PINX1: variants seen among roughly 807,000 people sequenced by gnomAD.
The protein encoded by PINX1 is PIN2/TERF1-interacting telomerase inhibitor 1.
A neutral mutation model predicts 25.4 loss-of-function variants in PINX1; 34 were observed. The ratio of observed to expected loss-of-function variants is 1.34; its 90% confidence interval spans 1.02 to 1.78. PINX1 has a LOEUF of 1.78. Ranked by LOEUF, PINX1 falls within the 40% of genes most tolerant of loss-of-function variation. The pLI is 0.00. For synonymous variants in PINX1, 197 were observed against 147.7 expected (o/e 1.33, Z -2.42); for missense variants, 592 against 404.9 (o/e 1.46, Z -3.97).
rs781253794 is a variant in PINX1 at position 10,765,429 on chromosome 8, T to G, written c.959A>C (p.Lys320Thr). Residue 320 changes from lysine (K) to threonine (T), a missense_variant, in exon 7 of 7, where the codon AAA (lysine) becomes ACA (threonine). Physicochemically the swap from Lys to Thr is moderately conservative, Grantham distance 78. Transcript: ENST00000314787. ...TTTGGAATCTTTCTTCTTCTTCTTT[T>G]TCACTAGCGTTTCTTCTAGTGTAGC... ...EDATLEETLVKKKKKKDSK is the reference protein window; with the variant it reads ...EDATLEETLVTKKKKKDSK 6.2e-6 allele frequency: 10 copies of G among 1,605,406 alleles called. No individual in the cohort carries two copies. The highest frequency in any genetic ancestry group is 8.5e-6 in the Non-Finnish European group (10 of 1,177,540).
chr8:10,808,438 C>A (rs868038720), intron 6 of PINX1, among the ~76,000 whole-genome samples: 1 of 152,022 alleles, frequency 6.6e-6, no homozygotes, highest in Non-Finnish European at 1.5e-5. Flanking sequence ...CATCTAGGTG[C>A]GTATATTACT....
chr8:10,826,744 T>C (rs993275915), intron 4 of PINX1, among the ~76,000 whole-genome samples: 1 of 152,184 alleles, frequency 6.6e-6, no homozygotes, highest in Non-Finnish European at 1.5e-5. Context: ...CAGAGGTCCA[T>C]CTACAAACAT....
intron 6 of PINX1, among the ~76,000 whole-genome samples, chr8:10,788,369 A>C (rs190423901): frequency 5.1e-4 from 78 of 152,292 alleles, no homozygotes; most frequent in Non-Finnish European, 9.7e-4. Context: ...GGAGACCAGC[A>C]GTTGAAGACA....
intron 6 of PINX1, among the ~76,000 whole-genome samples, chr8:10,799,107 C>T (rs1371637364): frequency 6.9e-6 from 1 of 145,878 alleles, no homozygotes; most frequent in Admixed American, 6.7e-5. Flanking sequence ...TTCAATAAAA[C>T]ACAGTATTTA....
intron 6 of PINX1, among the ~76,000 whole-genome samples, chr8:10,807,454 A>C (rs1802489856): frequency 6.6e-6 from 1 of 151,592 alleles, no homozygotes; most frequent in Non-Finnish European, 1.5e-5. Flanking sequence ...GGAAAAAATT[A>C]TGAAACAGCT....
chr8:10,823,599 C>T (rs750424238), intron 5 of PINX1, among the ~76,000 whole-genome samples: 2 of 151,784 alleles, frequency 1.3e-5, no homozygotes, highest in African/African-American at 2.4e-5. Flanking sequence ...TAAAATTATA[C>T]AATAAATTAG....
intron 6 of PINX1, among the ~76,000 whole-genome samples, chr8:10,768,779 G>C (rs1256701939): frequency 6.6e-6 from 1 of 152,230 alleles, no homozygotes; most frequent in Admixed American, 6.5e-5. Context: ...CGGAGACTCA[G>C]TTTCACTGCA....
At chr8:10,788,204 G>C (rs573180720) in intron 6 of PINX1, among the ~76,000 whole-genome samples, 1 of 152,296 alleles carries the variant, frequency 6.6e-6, no homozygotes, top group South Asian at 2.1e-4. Context: ...GGCACAGACA[G>C]ACTCCTTTAT....
intron 5 of PINX1, among the ~76,000 whole-genome samples, chr8:10,824,041 C>T (rs1029956301): frequency 1.3e-5 from 2 of 152,152 alleles, no homozygotes; most frequent in African/African-American, 4.8e-5. Flanking sequence ...CAGTCGTTAT[C>T]AGCATACCCA....
intron 6 of PINX1, among the ~76,000 whole-genome samples, chr8:10,818,478 A>G (rs1192183803): frequency 2.0e-5 from 3 of 152,192 alleles, no homozygotes; most frequent in Admixed American, 6.5e-5. Flanking sequence ...TTTCTGCACC[A>G]AACACATAAA....
intron 6 of PINX1, chr8:10,787,873 G>A (rs755453585): frequency 2.9e-5 from 13 of 454,262 alleles, no homozygotes; most frequent in South Asian, 1.3e-4. Flanking sequence ...GGTTAAGAAA[G>A]TCTGAAAGAC....
intron 4 of PINX1, among the ~76,000 whole-genome samples, chr8:10,829,575 T>C (rs906057154): frequency 6.6e-6 from 1 of 152,176 alleles, no homozygotes; most frequent in African/African-American, 2.4e-5. Flanking sequence ...GTCATACAAA[T>C]GAAAAGTCAG....
intron 6 of PINX1, among the ~76,000 whole-genome samples, chr8:10,810,874 A>T (rs540139734): frequency 6.6e-6 from 1 of 152,358 alleles, no homozygotes; most frequent in African/African-American, 2.4e-5. Flanking sequence ...ACTTCACTAG[A>T]GGACTTTGAG....
chr8:10,816,013 C>T (rs541215699), intron 6 of PINX1, among the ~76,000 whole-genome samples: 1 of 152,314 alleles, frequency 6.6e-6, no homozygotes, highest in South Asian at 2.1e-4. Context: ...CGATATTCCA[C>T]TCCTAATCAG....
In PINX1 at chr8:10,820,741, T is replaced by C. The variant is rs185201121; in HGVS notation, c.395-472A>G. ...ACATATGCACATGAATGAGAACGTA[T>C]CATATTTGACACACAGGATCTTAAT... On this transcript the variant is annotated intron_variant, in intron 5 of 6. Coordinates refer to ENST00000314787, the MANE Select transcript of PINX1 (RefSeq NM_017884.6). Among the ~76,000 whole-genome samples, 16 of 152,314 alleles carry C rather than the reference T, an allele frequency of 1.1e-4. No individual in the cohort carries two copies. In the East Asian group the frequency reaches 2.3e-3, roughly 22 times the overall value.
intron 6 of PINX1, among the ~76,000 whole-genome samples, chr8:10,805,638 G>A (rs1802423106): frequency 2.2e-5 from 2 of 89,576 alleles, no homozygotes; most frequent in Admixed American, 1.1e-4. Flanking sequence ...GCACAGGAAG[G>A]GGCCACACTA....
At chr8:10,810,322 C>G (rs886260579) in intron 6 of PINX1, among the ~76,000 whole-genome samples, 1 of 152,208 alleles carries the variant, frequency 6.6e-6, no homozygotes, top group Admixed American at 6.5e-5. Context: ...CTGGACCCCA[C>G]TGGCATTTGT....
intron 6 of PINX1, among the ~76,000 whole-genome samples, chr8:10,790,875 G>A (rs527782861): frequency 6.6e-6 from 1 of 152,218 alleles, no homozygotes; most frequent in East Asian, 1.9e-4. Context: ...CCCTGCAGAT[G>A]TCTAATGGGG....
intron 6 of PINX1, among the ~76,000 whole-genome samples, chr8:10,781,882 C>T (rs1801597922): frequency 6.6e-6 from 1 of 152,172 alleles, no homozygotes; most frequent in Non-Finnish European, 1.5e-5. Flanking sequence ...TGCCTGCAGT[C>T]CCATGTTCAC....
Sources: allele counts gnomAD v4.1 joint callset (sites outside exome capture counted in the v4.1 genomes callset), GRCh38; gene constraint gnomAD v4.1.1; transcripts MANE v1.5; gene names NCBI Gene and HGNC (gene_info 2026-07-23, HGNC 2026-07-21).